Variants in NCALD observed in about 807,000 individuals in gnomAD.
NCALD encodes neurocalcin delta, also known as neurocalcin-delta.
A neutral mutation model predicts 18.6 loss-of-function variants in NCALD; 10 were observed. That is an observed-to-expected ratio of 0.54 (90% CI 0.33 to 0.91). The LOEUF (loss-of-function observed/expected upper bound fraction) is 0.91, where lower values mean the gene tolerates loss of function less well. Among genes scored for constraint, NCALD ranks in the 40% least tolerant of loss-of-function variants. The pLI is 0.03. For synonymous variants in NCALD, 88 were observed against 87.4 expected (o/e 1.01, Z -0.04); for missense variants, 184 against 247.6 (o/e 0.74, Z 1.72).
intron 1 of NCALD, among the ~76,000 whole-genome samples, chr8:102,076,881 A>G (rs1331376267): frequency 6.6e-6 from 1 of 152,176 alleles, no homozygotes; most frequent in Non-Finnish European, 1.5e-5. Context: ...GACTTATACA[A>G]TTGCCTACAC....
At chr8:101,818,519 T>C (rs1268028847) in intron 4 of NCALD, among the ~76,000 whole-genome samples, 1 of 152,206 alleles carries the variant, frequency 6.6e-6, no homozygotes, top group Non-Finnish European at 1.5e-5. Context: ...ATTTTCCCTC[T>C]ATTTTTCAAT....
intron 1 of NCALD, among the ~76,000 whole-genome samples, chr8:102,058,811 T>A (rs987977525): frequency 1.3e-5 from 2 of 152,200 alleles, no homozygotes; most frequent in African/African-American, 4.8e-5. Flanking sequence ...GACTTTGAGA[T>A]GGGTAGATTA....
At chr8:101,852,153 T>C (rs1351440229) in intron 4 of NCALD, among the ~76,000 whole-genome samples, 2 of 152,210 alleles carry the variant, frequency 1.3e-5, no homozygotes, top group African/African-American at 2.4e-5. Context: ...CTAAGGGATT[T>C]TGTTACGGCA....
At chr8:102,021,100 T>C (rs1399862615) in intron 1 of NCALD, among the ~76,000 whole-genome samples, 1 of 152,224 alleles carries the variant, frequency 6.6e-6, no homozygotes, top group Non-Finnish European at 1.5e-5. Context: ...TGTAACATCA[T>C]ATATACAAAT....
intron 1 of NCALD, among the ~76,000 whole-genome samples, chr8:101,782,725 C>T (rs1563764520): frequency 2.0e-5 from 3 of 152,182 alleles, no homozygotes; most frequent in Admixed American, 2.0e-4. Context: ...ATCCTTTAGG[C>T]CCAACTCAAA....
At chr8:101,999,261 C>T (rs1821355531) in intron 2 of NCALD, among the ~76,000 whole-genome samples, 1 of 151,820 alleles carries the variant, frequency 6.6e-6, no homozygotes, top group South Asian at 2.1e-4. Context: ...CCCAAATGCC[C>T]AACAATCAAT....
chr8:102,024,066 A>G (rs1822372294), intron 1 of NCALD, among the ~76,000 whole-genome samples: 1 of 152,234 alleles, frequency 6.6e-6, no homozygotes, highest in Non-Finnish European at 1.5e-5. Context: ...CTCTTTTGCC[A>G]GAGTTCTTAT....
intron 1 of NCALD, among the ~76,000 whole-genome samples, chr8:101,771,837 C>G (rs986417860): frequency 2.6e-5 from 4 of 152,204 alleles, no homozygotes; most frequent in African/African-American, 9.6e-5. Flanking sequence ...CCTGGATATA[C>G]GCAAGGTACT....
intron 3 of NCALD, among the ~76,000 whole-genome samples, chr8:101,910,863 C>T (rs16868736): frequency 0.14 from 21,014 of 152,118 alleles, 1,645 homozygotes; most frequent in African/African-American, 0.21. Flanking sequence ...GGCAACGACC[C>T]TGAGAAATCC....
chr8:102,092,317 C>A (rs1229220047), intron 1 of NCALD, among the ~76,000 whole-genome samples: 1 of 152,222 alleles, frequency 6.6e-6, no homozygotes, highest in African/African-American at 2.4e-5. Flanking sequence ...AAAAAGTGGG[C>A]AGCCAGCAGC....
intron 4 of NCALD, among the ~76,000 whole-genome samples, chr8:101,800,573 G>A (rs1261323441): frequency 2.0e-5 from 3 of 151,386 alleles, no homozygotes; most frequent in African/African-American, 7.3e-5. Context: ...GCAATTAAAA[G>A]AAAATAAACA....
intron 2 of NCALD, among the ~76,000 whole-genome samples, chr8:101,701,742 G>A (rs1390125832): frequency 6.6e-6 from 1 of 152,120 alleles, no homozygotes; most frequent in Non-Finnish European, 1.5e-5. Context: ...AATGTAGGGT[G>A]TTCTAACAGG....
intron 4 of NCALD, among the ~76,000 whole-genome samples, chr8:101,818,478 C>T (rs916120941): frequency 3.9e-5 from 6 of 152,164 alleles, no homozygotes; most frequent in Non-Finnish European, 7.4e-5. Flanking sequence ...TAAGAGCTGA[C>T]ACTCAATTCC....
chr8:101,990,247 C>A (rs561007622), intron 2 of NCALD, among the ~76,000 whole-genome samples: 1 of 152,134 alleles, frequency 6.6e-6, no homozygotes, highest in Non-Finnish European at 1.5e-5. Context: ...TCTTACAAAA[C>A]GTGATGATAG....
intron 1 of NCALD, among the ~76,000 whole-genome samples, chr8:102,027,484 A>G (rs759776000): frequency 1.1e-4 from 16 of 152,134 alleles, no homozygotes; most frequent in Non-Finnish European, 2.2e-4. Context: ...TTCAGCCTGG[A>G]CTTCATTGTT....
At chr8:101,947,031 A>T (rs1819203481) in intron 2 of NCALD, among the ~76,000 whole-genome samples, 2 of 152,130 alleles carry the variant, frequency 1.3e-5, no homozygotes, top group Admixed American at 6.6e-5. Flanking sequence ...TTTCAATGGA[A>T]ATTTTAAACA....
intron 1 of NCALD, among the ~76,000 whole-genome samples, chr8:102,025,215 C>T (rs563291668): frequency 1.3e-5 from 2 of 152,282 alleles, no homozygotes; most frequent in Non-Finnish European, 2.9e-5. Context: ...AACTTGAACT[C>T]ATTCTTCAGG....
chr8:102,026,775 A>G (rs1277951862), intron 1 of NCALD, among the ~76,000 whole-genome samples: 1 of 152,192 alleles, frequency 6.6e-6, no homozygotes, highest in Non-Finnish European at 1.5e-5. Flanking sequence ...GCACTGCCCT[A>G]ACAAAGGTTC....
At chr8:101,692,652 C>G in intron 3 of NCALD, 139 bp downstream of exon 3, 1 of 1,388,076 alleles carries the variant, frequency 7.2e-7, no homozygotes, top group Non-Finnish European at 9.5e-7. Flanking sequence ...ACCTGGTCCT[C>G]TCCCCTCCTA....
Sources: allele counts gnomAD v4.1 joint callset (sites outside exome capture counted in the v4.1 genomes callset), GRCh38; gene constraint gnomAD v4.1.1; transcripts MANE v1.5; gene names NCBI Gene and HGNC (gene_info 2026-07-23, HGNC 2026-07-21).